Variants in RAD18 observed in about 807,000 individuals in gnomAD.
The protein encoded by RAD18 is E3 ubiquitin-protein ligase RAD18.
Under a neutral mutation model 60.4 loss-of-function variants are expected in RAD18, and 47 were observed. That is an observed-to-expected ratio of 0.78 (90% CI 0.62 to 0.99). RAD18 has a LOEUF of 0.99. Among genes scored for constraint, RAD18 ranks in the 50% least tolerant of loss-of-function variants. The pLI is 0.00. For synonymous variants in RAD18, 225 were observed against 195.5 expected (o/e 1.15, Z -1.26); for missense variants, 640 against 593.3 (o/e 1.08, Z -0.82).
At position 8,899,063 on chromosome 3, in the gene RAD18, T is replaced by A; in HGVS notation, c.1169-16A>T. The A allele has an allele frequency of 6.4e-7, 1 of 1,558,916 alleles. No individual in the cohort carries two copies. The highest frequency in any genetic ancestry group is 8.7e-7 in the Non-Finnish European group (1 of 1,148,320). ...TCTTCCTGTCCTAGGAAAAAATAAATTTAAGAGTACCTTAAAATCTACAAC... is the reference window on the plus strand; with the variant it reads ...TCTTCCTGTCCTAGGAAAAAATAAAATTAAGAGTACCTTAAAATCTACAAC... On this transcript the variant is annotated splice_polypyrimidine_tract_variant and intron_variant, in intron 10 of 12. Transcript: ENST00000264926.
chr3:8,945,468 CTTTTTTTTT>C (rs375744764), intron 4 of RAD18, among the ~76,000 whole-genome samples: 1 of 96,374 alleles, frequency 1.0e-5, no homozygotes, highest in Non-Finnish European at 2.0e-5. Flanking sequence ...TTTCCATCTT[CTTTTTTTTT>C]TTTTTTTTTT....
At chr3:8,889,915 T>C (rs1004072116) in intron 12 of RAD18, among the ~76,000 whole-genome samples, 5 of 152,230 alleles carry the variant, frequency 3.3e-5, no homozygotes, top group African/African-American at 1.2e-4. Context: ...GTTTTTACTG[T>C]ACCTTTTCCA....
intron 12 of RAD18, 89 bp downstream of exon 12, chr3:8,890,300 A>C (rs656626): frequency 0.82 from 882,884 of 1,071,804 alleles, 365,766 homozygotes; most frequent in African/African-American, 0.93. Context: ...CCAGAAAGCA[A>C]AAATATAATT....
chr3:8,881,448 T>G lies in RAD18; in HGVS notation c.1397A>C (p.Gln466Pro), dbSNP rs1170529409. The change falls in exon 13 of 13, where the codon CAA (glutamine) becomes CCA (proline). Residue 466 changes from glutamine to proline, a missense_variant. Gln to Pro is a moderately conservative substitution (Grantham distance 76). Coordinates refer to ENST00000264926, the MANE Select transcript of RAD18 (RefSeq NM_020165.4). ...CTGTCTTGGACTTATTTCTGTGTCTTGAAGATCGTTTCTGAAGACAGAAAA... is the reference window on the plus strand; with the variant it reads ...CTGTCTTGGACTTATTTCTGTGTCTGGAAGATCGTTTCTGAAGACAGAAAA... ...AWEASHKNDLQDTEISPRQNR... is the reference protein window; with the variant it reads ...AWEASHKNDLPDTEISPRQNR... 1 of 1,607,526 alleles carries G rather than the reference T, an allele frequency of 6.2e-7. No individual in the cohort carries two copies. The highest frequency in any genetic ancestry group is 1.1e-5 in the South Asian group (1 of 90,772).
At chr3:8,941,926 A>T in intron 4 of RAD18, 122 bp from the exon 5 acceptor site, 1 of 888,242 alleles carries the variant, frequency 1.1e-6, no homozygotes, top group Non-Finnish European at 1.7e-6. Flanking sequence ...TACTATAATG[A>T]CAACCAAACC....
intron 2 of RAD18, among the ~76,000 whole-genome samples, chr3:8,948,825 C>T (rs1940880104): frequency 6.6e-6 from 1 of 152,148 alleles, no homozygotes; most frequent in Admixed American, 6.6e-5. Context: ...ACTCTGTGTC[C>T]TCCATCTGCA....
intron 7 of RAD18, among the ~76,000 whole-genome samples, chr3:8,923,550 G>T (rs1940369881): frequency 6.6e-6 from 1 of 151,944 alleles, no homozygotes; most frequent in Non-Finnish European, 1.5e-5. Context: ...TTCACATTCA[G>T]GAAATACAGA....
chr3:8,936,819 C>T (rs1559790068), intron 6 of RAD18, among the ~76,000 whole-genome samples: 1 of 152,164 alleles, frequency 6.6e-6, no homozygotes, highest in Non-Finnish European at 1.5e-5. Context: ...CTTCTCCACA[C>T]CATCCACCAA....
At position 8,941,457 on chromosome 3, in the gene RAD18, A is replaced by T; in HGVS notation, c.604+10T>A. 1.9e-6 allele frequency: 3 copies of T among 1,560,712 alleles called. No homozygotes were observed. The highest frequency in any genetic ancestry group is 2.6e-6 in the Non-Finnish European group (3 of 1,141,142). ...TGTCCATATTTCCACATATGAAAAT[A>T]ACTTCCTACCTTTAGTAACTTGTTT... On this transcript the variant is annotated intron_variant, in intron 5 of 12. Coordinates refer to ENST00000264926, the MANE Select transcript of RAD18 (RefSeq NM_020165.4).
chr3:8,959,788 G>A (rs1006824969), intron 1 of RAD18, among the ~76,000 whole-genome samples: 2 of 151,668 alleles, frequency 1.3e-5, no homozygotes, highest in African/African-American at 4.9e-5. Context: ...AGCTCTCGAC[G>A]GGAGGATCGC....
chr3:8,951,866 TG>T (rs903255299), intron 2 of RAD18, among the ~76,000 whole-genome samples: 9 of 152,206 alleles, frequency 5.9e-5, no homozygotes, highest in African/African-American at 2.2e-4. Flanking sequence ...GGTGCCAATA[TG>T]GTAAGTTTAT....
At chr3:8,923,774 A>G (rs1337384202) in intron 7 of RAD18, among the ~76,000 whole-genome samples, 4 of 152,214 alleles carry the variant, frequency 2.6e-5, no homozygotes, top group Non-Finnish European at 5.9e-5. Context: ...ATTCTTAAAG[A>G]AAAGAATTTT....
rs140195435 is a variant in RAD18 at position 8,927,966 on chromosome 3, G to A, written c.889+7905C>T. On this transcript the variant is annotated intron_variant, in intron 7 of 12. Coordinates refer to ENST00000264926, the MANE Select transcript of RAD18 (RefSeq NM_020165.4). ...AGGAGATATACCTAATGTAAATGAC[G>A]AGTTAGTGGGGGCAGCACACCAACA... 1.2e-4 allele frequency among the ~76,000 whole-genome samples: 18 copies of A among 149,934 alleles called. 1 individual carries two copies. The highest frequency in any genetic ancestry group is 1.0e-3 in the Admixed American group (15 of 14,968).
chr3:8,953,027 T>C (rs1345362939), intron 2 of RAD18, among the ~76,000 whole-genome samples: 2 of 152,096 alleles, frequency 1.3e-5, no homozygotes, highest in Admixed American at 6.5e-5. Flanking sequence ...TTCTACTGAA[T>C]GTGTATCGCT....
At chr3:8,915,442 T>C (rs147736059) in intron 7 of RAD18, among the ~76,000 whole-genome samples, 8 of 152,098 alleles carry the variant, frequency 5.3e-5, no homozygotes, top group Non-Finnish European at 1.0e-4. Context: ...CAGAGAAAAA[T>C]TGGTACCACC....
chr3:8,937,523 G>A (rs1227388916), intron 6 of RAD18, among the ~76,000 whole-genome samples: 1 of 149,772 alleles, frequency 6.7e-6, no homozygotes, highest in Non-Finnish European at 1.5e-5. Flanking sequence ...GTTAAGGGCT[G>A]CCACTCACAT....
At chr3:8,905,515 A>C (rs1052355015) in intron 9 of RAD18, among the ~76,000 whole-genome samples, 1 of 152,226 alleles carries the variant, frequency 6.6e-6, no homozygotes, top group Admixed American at 6.5e-5. Flanking sequence ...ACTTTAAATC[A>C]AGAAATGAGT....
intron 7 of RAD18, among the ~76,000 whole-genome samples, chr3:8,935,358 T>G (rs910208762): frequency 6.6e-6 from 1 of 152,238 alleles, no homozygotes; most frequent in Non-Finnish European, 1.5e-5. Flanking sequence ...AAAGGATATA[T>G]GTTTGTGTAC....
intron 7 of RAD18, among the ~76,000 whole-genome samples, chr3:8,917,242 T>C (rs1288023554): frequency 1.3e-5 from 2 of 152,150 alleles, no homozygotes; most frequent in Non-Finnish European, 2.9e-5. Flanking sequence ...ACAAAAACTT[T>C]CTGAGGAAAT....
Sources: allele counts gnomAD v4.1 joint callset (sites outside exome capture counted in the v4.1 genomes callset), GRCh38; gene constraint gnomAD v4.1.1; transcripts MANE v1.5; gene names NCBI Gene and HGNC (gene_info 2026-07-23, HGNC 2026-07-21).